DNMT3A: variants seen among roughly 807,000 people sequenced by gnomAD.
DNMT3A encodes DNA (cytosine-5)-methyltransferase 3A.
Under a neutral mutation model 117.6 loss-of-function variants are expected in DNMT3A, and 267 were observed. The observed-to-expected ratio is 2.27, with a 90% CI of 2.05 to 2.51. The LOEUF (loss-of-function observed/expected upper bound fraction) is 2.51. Among genes scored for constraint, DNMT3A ranks in the 30% most tolerant of loss-of-function variants. The probability of loss-of-function intolerance (pLI) is 0.00; values close to 1 mark genes in which losing one functional copy is unlikely to be tolerated. For synonymous variants in DNMT3A, 432 were observed against 474.8 expected (o/e 0.91, Z 1.17); for missense variants, 1,029 against 1,260.2 (o/e 0.82, Z 2.78).
chr2:25,273,888 T>A (rs966264771), intron 6 of DNMT3A, among the ~76,000 whole-genome samples: 7 of 152,216 alleles, frequency 4.6e-5, no homozygotes, highest in African/African-American at 1.7e-4. Flanking sequence ...CCTCAGTCCC[T>A]ACTGCCTGCC....
intron 1 of DNMT3A, chr2:25,328,596 A>G: frequency 2.1e-6 from 1 of 480,556 alleles, no homozygotes; most frequent in Non-Finnish European, 4.3e-6. Flanking sequence ...CCCCGCCCAC[A>G]GCTTGTCCCC....
At chr2:25,323,219 T>C (rs536236932) in intron 1 of DNMT3A, among the ~76,000 whole-genome samples, 1 of 152,168 alleles carries the variant, frequency 6.6e-6, no homozygotes, top group African/African-American at 2.4e-5. Context: ...GCTGCTGTCT[T>C]CCCGCCATGT....
Position 25,245,664 on chromosome 2 carries a change from G to A in DNMT3A, c.1475-332C>T, listed in dbSNP as rs116599164. ...ACCCCTGCCCCAATCCTCCCAGGCC[G>A]AGGGTCCTGAGCCAGATCCACCAGC... On this transcript the variant is annotated intron_variant, in intron 12 of 22. Coordinates refer to ENST00000321117, the MANE Select transcript of DNMT3A (RefSeq NM_022552.5). Among the ~76,000 whole-genome samples the A allele has an allele frequency of 4.7e-3, 723 of 152,324 alleles. 6 individuals carry two copies. The highest frequency in any genetic ancestry group is 0.017 in the African/African-American group (702 of 41,570).
Position 25,236,389 on chromosome 2 carries a change from G to A in DNMT3A, c.2478+547C>T, listed in dbSNP as rs781156835. Among the ~76,000 whole-genome samples, 6 of 152,192 alleles carry A rather than the reference G, an allele frequency of 3.9e-5. No homozygotes were observed. Among genetic ancestry groups the A allele is most frequent in the Non-Finnish European group, 8.8e-5 (6 of 68,032 alleles). On this transcript the variant is annotated intron_variant, in intron 21 of 22. Coordinates refer to ENST00000321117, the MANE Select transcript of DNMT3A (RefSeq NM_022552.5). This position sits in a 1 kb window ranked among gnomAD's most constrained non-coding sequence, Gnocchi z 4.5. The stretch of plus-strand genomic sequence containing the variant: ...CTAGCCACAGACTTTAGAAGTAGAA[G>A]CTGTAGCCACTGTACTTTCCAAGTC...
intron 6 of DNMT3A, among the ~76,000 whole-genome samples, chr2:25,265,986 A>G (rs552636819): frequency 6.6e-6 from 1 of 152,272 alleles, no homozygotes; most frequent in South Asian, 2.1e-4. Context: ...GCCAGCAACT[A>G]GTCACCTACC....
intron 17 of DNMT3A, 38 bp downstream of exon 17, chr2:25,241,520 CAGGG>C (rs1558661078): frequency 1.3e-6 from 2 of 1,584,692 alleles, no homozygotes; most frequent in Non-Finnish European, 8.6e-7. Context: ...GCTGAGTGTG[CAGGG>C]AGGGGAAGAC....
At chr2:25,275,322 A>G (rs868527952) in intron 5 of DNMT3A, among the ~76,000 whole-genome samples, 178 bp downstream of exon 5, 3 of 151,860 alleles carry the variant, frequency 2.0e-5, no homozygotes, top group Non-Finnish European at 4.4e-5. Flanking sequence ...CTGGAGGGGG[A>G]TGAGCCGGCT....
chr2:25,328,971 A>G (rs544103012), intron 1 of DNMT3A, among the ~76,000 whole-genome samples: 1 of 151,922 alleles, frequency 6.6e-6, no homozygotes. Flanking sequence ...CCCCAACCCC[A>G]CTTCCTAAAC....
At chr2:25,340,951 C>A (rs2035402822) in intron 1 of DNMT3A, among the ~76,000 whole-genome samples, 1 of 145,870 alleles carries the variant, frequency 6.9e-6, no homozygotes, top group Admixed American at 6.7e-5. Flanking sequence ...CCACGGCCCG[C>A]GGTGGGGACA....
At position 25,252,142 on chromosome 2, in the gene DNMT3A, C is replaced by T. The variant is rs1194334307; in HGVS notation, c.640-3890G>A. 18 of 1,544,624 alleles carry T rather than the reference C, an allele frequency of 1.2e-5. No homozygotes were observed. Among genetic ancestry groups the T allele is most frequent in the Non-Finnish European group, 1.6e-5 (18 of 1,145,278 alleles). On this transcript the variant is annotated intron_variant, in intron 6 of 22. Transcript: ENST00000321117. The surrounding 1 kb of genome is among the most constrained non-coding windows in gnomAD (Gnocchi z 5.5). ...AGGGCTGCGGAGATCCTCCCACCGGCCCTGCCGCCTCCCCGCCCCCGGTCT... is the reference window on the plus strand; with the variant it reads ...AGGGCTGCGGAGATCCTCCCACCGGTCCTGCCGCCTCCCCGCCCCCGGTCT...
At position 25,252,032 on chromosome 2, in the gene DNMT3A, G is replaced by T; in HGVS notation, c.640-3780C>A. ...CAGGAAGGCGGCGGGCCAGCACTAA[G>T]TCAGCATCTCCAGAACTCGGGCCAG... On this transcript the variant is annotated intron_variant, in intron 6 of 22. Transcript: ENST00000321117. The surrounding 1 kb of genome is among the most constrained non-coding windows in gnomAD (Gnocchi z 5.5). The T allele has an allele frequency of 2.2e-6, 2 of 911,098 alleles. No individual in the cohort carries two copies. Among genetic ancestry groups the T allele is most frequent in the Non-Finnish European group, 3.2e-6 (2 of 627,518 alleles). 56.4% of individuals were successfully genotyped at this position (911,098 alleles called of 1,614,324 possible). A position where few individuals can be genotyped will look rare whatever the true frequency, so the allele number is the denominator to read the frequency against.
rs533155602 is a variant in DNMT3A, at chr2:25,298,027, C to T, written c.177+2112G>A. ...CCTGAAGAGGAAAGGTTTGGCCAGG[C>T]GGGGGCAGGCCCGACCTTTGCTGAG... On this transcript the variant is annotated intron_variant, in intron 3 of 22. Transcript: ENST00000321117. This position sits in a 1 kb window ranked among gnomAD's most constrained non-coding sequence, Gnocchi z 4.3. Among the ~76,000 whole-genome samples, 2 of 152,352 alleles carry T rather than the reference C, an allele frequency of 1.3e-5. No individual in the cohort carries two copies. Among genetic ancestry groups the T allele is most frequent in the South Asian group, 2.1e-4 (1 of 4,824 alleles).
At chr2:25,322,892 C>A (rs1018825746) in intron 1 of DNMT3A, among the ~76,000 whole-genome samples, 1 of 152,106 alleles carries the variant, frequency 6.6e-6, no homozygotes, top group African/African-American at 2.4e-5. Flanking sequence ...CCCTTCTTCT[C>A]CGTCTCAAGT....
intron 1 of DNMT3A, among the ~76,000 whole-genome samples, chr2:25,329,529 C>T (rs973073109): frequency 3.9e-5 from 6 of 152,066 alleles, no homozygotes; most frequent in Admixed American, 3.3e-4. Context: ...CTCCTAGGAA[C>T]GGCTGCTGTG....
rs145426082 is a variant in DNMT3A, at chr2:25,318,372, C to T, written c.-177-4211G>A. ...CATGATCTCCACTCACTGCAACCTC[C>T]GCCTCCTGGGTTCAAGTGATTCTCA... On this transcript the variant is annotated intron_variant, in intron 1 of 22. Transcript: ENST00000321117. Among the ~76,000 whole-genome samples the T allele has an allele frequency of 4.8e-4, 73 of 152,002 alleles. 1 individual carries two copies. Among genetic ancestry groups the T allele is most frequent in the African/African-American group, 1.6e-3 (68 of 41,428 alleles).
At position 25,305,872 on chromosome 2, in the gene DNMT3A, T is replaced by A. The variant is rs562623374; in HGVS notation, c.73-5629A>T. ...TCACCTAGAGACAGCCAGCCTGACA[T>A]ACGTGTATTCCCTTCAGTACTTAAA... is the stretch of plus-strand genomic sequence containing the variant. On this transcript the variant is annotated intron_variant, in intron 2 of 22. Coordinates refer to ENST00000321117, the MANE Select transcript of DNMT3A (RefSeq NM_022552.5). This position sits in a 1 kb window ranked among gnomAD's most constrained non-coding sequence, Gnocchi z 4.1. 3.3e-4 allele frequency among the ~76,000 whole-genome samples: 51 copies of A among 152,346 alleles called. 1 individual carries two copies. In the Middle Eastern group the frequency reaches 0.027, roughly 81 times the overall value.
At position 25,337,897 on chromosome 2, in the gene DNMT3A, A is replaced by T. The variant is rs902234465; in HGVS notation, c.-178+3929T>A. Reference sequence around the variant, plus strand: ...CAGGAACAGCAAAGTCCCTGCAGAAACCCAGCCTCAGGCCAGGTGGGCTTC... The same window carrying T: ...CAGGAACAGCAAAGTCCCTGCAGAATCCCAGCCTCAGGCCAGGTGGGCTTC... On this transcript the variant is annotated intron_variant, in intron 1 of 22. Coordinates refer to ENST00000321117, the MANE Select transcript of DNMT3A (RefSeq NM_022552.5). The surrounding 1 kb of genome is among the most constrained non-coding windows in gnomAD (Gnocchi z 5.0). 6.6e-6 allele frequency among the ~76,000 whole-genome samples: 1 copy of T among 152,292 alleles called. No homozygotes were observed. The highest frequency in any genetic ancestry group is 1.5e-5 in the Non-Finnish European group (1 of 68,030).
intron 1 of DNMT3A, among the ~76,000 whole-genome samples, chr2:25,334,485 T>C (rs2035134236): frequency 6.6e-6 from 1 of 152,156 alleles, no homozygotes; most frequent in Admixed American, 6.5e-5. Context: ...CTGAGCTCCA[T>C]ACCCGGGCCG....
At chr2:25,267,365 G>A (rs1163820092) in intron 6 of DNMT3A, among the ~76,000 whole-genome samples, 3 of 152,112 alleles carry the variant, frequency 2.0e-5, no homozygotes, top group Non-Finnish European at 4.4e-5. Flanking sequence ...CTTGAGCCCA[G>A]GAGTTCAAAG....
Sources: gnomAD v4.1 joint callset for allele counts (sites outside exome capture counted in the v4.1 genomes callset) on GRCh38, gnomAD v4.1.1 for gene constraint, Gnocchi (gnomAD v3.1) non-coding constraint, MANE v1.5 for transcripts, NCBI Gene and HGNC (gene_info 2026-07-23, HGNC 2026-07-21) for gene names.